The following CSMD1 variants were observed in gnomAD, a reference collection of about 807,000 sequenced individuals.
CSMD1 encodes CUB and sushi domain-containing protein 1.
CSMD1 carries 213 observed loss-of-function variants against 417.5 expected under a neutral mutation model. The ratio of observed to expected loss-of-function variants is 0.51; its 90% CI spans 0.46 to 0.57. The LOEUF is 0.57. CSMD1 is among the 20% of genes least tolerant of loss of function. The pLI is 0.00. For synonymous variants in CSMD1, 2,862 were observed against 1,736.8 expected, an observed-to-expected ratio of 1.65 and a Z score of -16.11; for missense variants, 6,923 against 4,529.7, an observed-to-expected ratio of 1.53 and a Z score of -15.17.
At chr8:3,479,253 G>T (rs1288756429) in intron 11 of CSMD1, among the ~76,000 whole-genome samples, 1 of 152,032 alleles carries the variant, frequency 6.6e-6, no homozygotes, top group African/African-American at 2.4e-5. Context: ...GGGTACAAAA[G>T]CAATTGCAGT....
At chr8:3,273,877 A>G (rs1200799019) in intron 26 of CSMD1, among the ~76,000 whole-genome samples, 3 of 152,096 alleles carry the variant, frequency 2.0e-5, no homozygotes, top group African/African-American at 7.2e-5. Flanking sequence ...TCAAAAAACC[A>G]GCTCCTGGAT....
chr8:3,851,894 G>A (rs1803934420), intron 5 of CSMD1, among the ~76,000 whole-genome samples: 2 of 152,266 alleles, frequency 1.3e-5, no homozygotes. Context: ...ATGGATCAGA[G>A]ATTCTGGCGG....
chr8:4,191,446 C>G (rs746422840), intron 3 of CSMD1, among the ~76,000 whole-genome samples: 2 of 151,816 alleles, frequency 1.3e-5, no homozygotes, highest in African/African-American at 2.4e-5. Flanking sequence ...AAAAAACAAA[C>G]TAAAAAAAAT....
In CSMD1 at chr8:4,587,432, G is replaced by C. The variant is rs550698431; in HGVS notation, c.302+49910C>G. On this transcript the variant is annotated intron_variant, in intron 2 of 69. Coordinates refer to ENST00000635120, the MANE Select transcript of CSMD1 (RefSeq NM_033225.6). ...ATATGTATATGTACATGTATATGTG[G>C]ATATATATGTATATGTACATATATA... Among the ~76,000 whole-genome samples the C allele has an allele frequency of 5.3e-5, 5 of 95,236 alleles. No homozygotes were observed. The South Asian group carries it at 1.5e-3, about 28-fold the overall frequency. The allele number at this position is 95,236 out of a possible 152,430, so 62.5% of individuals were successfully genotyped here.
intron 5 of CSMD1, among the ~76,000 whole-genome samples, chr8:3,837,294 A>T (rs960674270): frequency 6.6e-6 from 1 of 152,192 alleles, no homozygotes; most frequent in Non-Finnish European, 1.5e-5. Flanking sequence ...TCTCTTCAAC[A>T]ACAGAAGAAA....
chr8:4,931,879 T>C (rs772314326), intron 1 of CSMD1, among the ~76,000 whole-genome samples: 1 of 152,210 alleles, frequency 6.6e-6, no homozygotes, highest in Non-Finnish European at 1.5e-5. Flanking sequence ...GTTTATTGAT[T>C]GTTATATGGA....
intron 3 of CSMD1, among the ~76,000 whole-genome samples, chr8:4,139,562 G>C (rs981578925): frequency 6.6e-6 from 1 of 151,122 alleles, no homozygotes; most frequent in Admixed American, 6.6e-5. Context: ...TCTGCATATA[G>C]CTCCCTGAGC....
intron 7 of CSMD1, among the ~76,000 whole-genome samples, chr8:3,689,559 C>G (rs532017471): frequency 5.3e-5 from 8 of 152,256 alleles, no homozygotes; most frequent in African/African-American, 1.9e-4. Flanking sequence ...TTGACTGTGT[C>G]TTCAACATTC....
At chr8:3,318,868 C>G (rs532004809) in intron 23 of CSMD1, among the ~76,000 whole-genome samples, 54 of 152,194 alleles carry the variant, frequency 3.5e-4, no homozygotes, top group African/African-American at 1.3e-3. Flanking sequence ...TTCCACGGGG[C>G]AGGTGGGTGA....
At chr8:4,419,262 C>G (rs1166425334) in intron 3 of CSMD1, among the ~76,000 whole-genome samples, 1 of 152,126 alleles carries the variant, frequency 6.6e-6, no homozygotes, top group Non-Finnish European at 1.5e-5. Context: ...AATTTAAAAT[C>G]TCCATCCAAA....
chr8:3,793,467 C>G (rs1420494105), intron 5 of CSMD1, among the ~76,000 whole-genome samples: 1 of 148,684 alleles, frequency 6.7e-6, no homozygotes, highest in Admixed American at 6.8e-5. Flanking sequence ...TCCTGCCATG[C>G]CCCCCATCCA....
At chr8:3,686,214 T>G (rs1799936403) in intron 7 of CSMD1, among the ~76,000 whole-genome samples, 1 of 152,146 alleles carries the variant, frequency 6.6e-6, no homozygotes, top group Admixed American at 6.5e-5. Context: ...AGAGTGTGGG[T>G]CACCCCCTTG....
chr8:4,055,832 G>C (rs1236860521), intron 3 of CSMD1, among the ~76,000 whole-genome samples: 5 of 152,080 alleles, frequency 3.3e-5, no homozygotes, highest in African/African-American at 9.7e-5. Flanking sequence ...TGATTTTACA[G>C]TTGATTTTCT....
At chr8:4,043,707 A>G (rs866254657) in intron 3 of CSMD1, among the ~76,000 whole-genome samples, 6 of 152,184 alleles carry the variant, frequency 3.9e-5, no homozygotes, top group African/African-American at 1.4e-4. Context: ...TACACATTCA[A>G]TTACCTTAAA....
chr8:3,405,676 G>GAC (rs1209494347), intron 15 of CSMD1, among the ~76,000 whole-genome samples: 8 of 152,262 alleles, frequency 5.3e-5, no homozygotes, highest in East Asian at 1.9e-4. Flanking sequence ...CACAGGGACA[G>GAC]ACACACACAC....
chr8:3,354,306 A>C (rs1305115480), intron 21 of CSMD1, among the ~76,000 whole-genome samples: 1 of 152,190 alleles, frequency 6.6e-6, no homozygotes, highest in Non-Finnish European at 1.5e-5. Context: ...GCTGGAAGTA[A>C]AGGTGTATGG....
At chr8:4,364,968 T>A (rs181624790) in intron 3 of CSMD1, among the ~76,000 whole-genome samples, 119 of 151,976 alleles carry the variant, frequency 7.8e-4, no homozygotes, top group Middle Eastern at 3.4e-3. Flanking sequence ...GGATTTAATA[T>A]GTTTAAATTT....
intron 5 of CSMD1, among the ~76,000 whole-genome samples, chr8:3,925,425 T>G (rs754009183): frequency 1.8e-4 from 27 of 152,194 alleles, no homozygotes; most frequent in Admixed American, 2.6e-4. Flanking sequence ...AGAAATAATA[T>G]TTAAATTATA....
At chr8:3,668,687 G>C (rs1055268412) in intron 7 of CSMD1, among the ~76,000 whole-genome samples, 1 of 152,110 alleles carries the variant, frequency 6.6e-6, no homozygotes, top group South Asian at 2.1e-4. Context: ...GATCAACCAG[G>C]AGTCGAAGTC....
Sources: allele counts gnomAD v4.1 joint callset (sites outside exome capture counted in the v4.1 genomes callset), GRCh38; gene constraint gnomAD v4.1.1; transcripts MANE v1.5; gene names NCBI Gene and HGNC (gene_info 2026-07-23, HGNC 2026-07-21).